Variants in FRY observed in about 807,000 individuals in gnomAD.
FRY encodes the protein FRY microtubule binding protein, also known as protein furry homolog.
FRY carries 128 observed loss-of-function variants against 348.4 expected under a neutral mutation model. The observed-to-expected ratio is 0.37, with a 90% CI of 0.32 to 0.43. The LOEUF (loss-of-function observed/expected upper bound fraction) is 0.43. FRY is among the 20% of genes least tolerant of loss of function. The pLI, the probability that FRY is intolerant of heterozygous loss-of-function variation, is 1.00. For missense variants in FRY, 2,736 were observed against 3,695.2 expected (o/e 0.74, Z 6.73); for synonymous variants, 1,370 against 1,374.7 (o/e 1.00, Z 0.08).
At chr13:32,130,860 G>A (rs1286158208) in intron 7 of FRY, among the ~76,000 whole-genome samples, 1 of 151,014 alleles carries the variant, frequency 6.6e-6, no homozygotes, top group East Asian at 1.9e-4. Context: ...TTGTTGCCCA[G>A]GCTGGAGTGC....
intron 11 of FRY, among the ~76,000 whole-genome samples, chr13:32,140,414 C>A (rs889756785): frequency 6.6e-6 from 1 of 152,098 alleles, no homozygotes; most frequent in African/African-American, 2.4e-5. Flanking sequence ...TCAGGGAGTA[C>A]TTATGCTAGG....
chr13:32,043,621 A>G (rs1049277288), intron 1 of FRY, among the ~76,000 whole-genome samples: 9 of 152,186 alleles, frequency 5.9e-5, no homozygotes, highest in African/African-American at 9.7e-5. Flanking sequence ...GGCTACCAGC[A>G]GGTGAAATTG....
At chr13:32,033,577 A>G (rs562397837) in intron 1 of FRY, among the ~76,000 whole-genome samples, 3 of 152,354 alleles carry the variant, frequency 2.0e-5, no homozygotes, top group African/African-American at 7.2e-5. Context: ...ACTTCAGGAA[A>G]TGATTCAAAA....
intron 3 of FRY, among the ~76,000 whole-genome samples, chr13:32,106,353 C>A (rs539590256): frequency 1.3e-5 from 2 of 151,980 alleles, no homozygotes; most frequent in Admixed American, 1.3e-4. Context: ...GCTTTTTACT[C>A]CATAATCTTT....
chr13:32,202,317 C>T (rs1187010312), intron 30 of FRY, 39 bp from the exon 31 acceptor site: 2 of 1,498,720 alleles, frequency 1.3e-6, no homozygotes, highest in Non-Finnish European at 9.3e-7. Context: ...CCAGCTAATG[C>T]TTTTCATACT....
At chr13:32,104,446 C>T (rs1021238133) in intron 3 of FRY, among the ~76,000 whole-genome samples, 3 of 152,174 alleles carry the variant, frequency 2.0e-5, no homozygotes, top group Admixed American at 1.3e-4. Flanking sequence ...TGCACATTAA[C>T]GCTTGAGAAG....
At chr13:32,121,224 A>C (rs954247036) in intron 4 of FRY, among the ~76,000 whole-genome samples, 4 of 152,236 alleles carry the variant, frequency 2.6e-5, no homozygotes, top group African/African-American at 9.6e-5. Flanking sequence ...TTGTGCCACT[A>C]TAAACATGCA....
intron 35 of FRY, 61 bp downstream of exon 35, chr13:32,212,443 C>T: frequency 3.1e-6 from 3 of 966,026 alleles, no homozygotes; most frequent in Non-Finnish European, 4.9e-6. Flanking sequence ...TATACATAGA[C>T]ATCAATACAG....
At chr13:32,140,039 T>C (rs1042252598) in intron 11 of FRY, among the ~76,000 whole-genome samples, 1 of 151,666 alleles carries the variant, frequency 6.6e-6, no homozygotes, top group African/African-American at 2.4e-5. Flanking sequence ...AAATTTCTTA[T>C]ATTTTATAAA....
At position 32,194,143 on chromosome 13, in the gene FRY, G is replaced by T; in HGVS notation, c.3592G>T (p.Val1198Phe). 1 of 1,612,972 alleles carries T rather than the reference G, an allele frequency of 6.2e-7. No individual in the cohort carries two copies. Among genetic ancestry groups the T allele is most frequent in the Non-Finnish European group, 8.5e-7 (1 of 1,179,024 alleles). ...DNILACQDLR[V>F]HQLGCEVVVL... ...ATATTGATTTGCTCCATGTATTCAG[G>T]TTCATCAACTTGGCTGCGAAGTTGT... Residue 1198 changes from valine to phenylalanine, a missense_variant and splice_region_variant, in exon 29 of 61, where the codon GTT becomes TTT. Around this residue, in one of 9 missense-constraint regions of FRY, gnomAD observed 794 missense variants for 977.0 expected, o/e 0.81. Transcript: ENST00000542859.
intron 7 of FRY, among the ~76,000 whole-genome samples, chr13:32,130,906 C>T (rs1879318522): frequency 6.6e-6 from 1 of 151,736 alleles, no homozygotes; most frequent in East Asian, 1.9e-4. Context: ...ACCTCTGCCT[C>T]CCGGGTTCAA....
chr13:32,034,422 C>T (rs934507794), intron 1 of FRY, among the ~76,000 whole-genome samples: 3 of 152,252 alleles, frequency 2.0e-5, no homozygotes, highest in South Asian at 2.1e-4. Flanking sequence ...TCCTCTTTAT[C>T]GGCACGTCTA....
Position 32,228,542 on chromosome 13 carries a change from C to T in FRY, c.5293C>T (p.Leu1765=), listed in dbSNP as rs940619046. The T allele has an allele frequency of 6.2e-7, 1 of 1,613,758 alleles. No homozygotes were observed. The highest frequency in any genetic ancestry group is 8.5e-7 in the Non-Finnish European group (1 of 1,179,704). The change falls in exon 40 of 61, where the codon CTG becomes TTG. Residue 1765 remains leucine (L), a synonymous_variant. Transcript: ENST00000542859. ...AAGCTCCACCTCCTCTAGCATCAGT[C>T]TGGGAGGCAGCAGTGGAAACCTCCC... The part of the protein sequence containing the change: ...SSSSTSSSIS[L]GGSSGNLPQM...
intron 31 of FRY, among the ~76,000 whole-genome samples, chr13:32,208,410 C>T (rs1284107044): frequency 1.3e-5 from 2 of 152,218 alleles, no homozygotes; most frequent in Non-Finnish European, 2.9e-5. Context: ...TTACAGTAGC[C>T]TGATGTGGGG....
Position 32,208,884 on chromosome 13 carries a change from C to T in FRY, c.4050C>T (p.Pro1350=), listed in dbSNP as rs1884511106. The change falls in exon 32 of 61, where the codon CCC becomes CCT. Residue 1350 remains proline, a synonymous_variant. Transcript: ENST00000542859. ...GCCAGCGATTCCCCACAACACACCCCAACGGGCGCCAGATCATGCTTACCT... is the reference window on the plus strand; with the variant it reads ...GCCAGCGATTCCCCACAACACACCCTAACGGGCGCCAGATCATGCTTACCT... The part of the protein sequence containing the change: ...EVSQRFPTTH[P]NGRQIMLTYL... 6.2e-7 allele frequency: 1 copy of T among 1,614,040 alleles called. No individual in the cohort carries two copies. Among genetic ancestry groups the T allele is most frequent in the Non-Finnish European group, 8.5e-7 (1 of 1,180,026 alleles).
rs202151755 is a variant in FRY, at chr13:32,289,615, T to C, written c.8470-18T>C. 55 of 1,376,544 alleles carry C rather than the reference T, an allele frequency of 4.0e-5. No homozygotes were observed. The Admixed American group carries it at 7.2e-4, about 18-fold the overall frequency. 85.3% of individuals were successfully genotyped at this position (1,376,544 alleles called of 1,614,324 possible). The stretch of plus-strand genomic sequence containing the variant: ...CTTTAACAATAACTGTTTCTTCCCA[T>C]GCAATTTCTCTCTTTAGCAATTGGA... On this transcript the variant is annotated intron_variant, in intron 58 of 60. Transcript: ENST00000542859.
At chr13:32,227,586 T>C (rs1209223156) in intron 39 of FRY, among the ~76,000 whole-genome samples, 1 of 152,228 alleles carries the variant, frequency 6.6e-6, no homozygotes, top group Admixed American at 6.5e-5. Context: ...AGAAACAGTA[T>C]TTGCTTATGC....
intron 8 of FRY, among the ~76,000 whole-genome samples, chr13:32,133,850 A>T (rs111607384): frequency 0.2 from 26,930 of 133,892 alleles, 2,892 homozygotes; most frequent in Middle Eastern, 0.33. Flanking sequence ...CATGATCTTG[A>T]TTCACTGCAA....
intron 7 of FRY, 49 bp downstream of exon 7, chr13:32,124,924 T>C (rs763812450): frequency 1.5e-6 from 2 of 1,332,602 alleles, no homozygotes; most frequent in African/African-American, 2.9e-5. Flanking sequence ...GTGCTTTCAC[T>C]GTCCTTCCAG....
Sources: gnomAD v4.1 joint callset for allele counts (sites outside exome capture counted in the v4.1 genomes callset) on GRCh38, gnomAD v4.1.1 for gene constraint, gnomAD v4.1.1 regional missense constraint, MANE v1.5 for transcripts, NCBI Gene and HGNC (gene_info 2026-07-23, HGNC 2026-07-21) for gene names.